The following IQCM variants were observed in gnomAD, a reference collection of about 807,000 sequenced individuals.
The protein encoded by IQCM is IQ domain-containing protein M.
A neutral mutation model predicts 57.6 loss-of-function variants in IQCM; 45 were observed. The ratio of observed to expected loss-of-function variants is 0.78; its 90% CI spans 0.62 to 1.00. IQCM has a LOEUF of 1.00. Ranked by LOEUF, IQCM falls within the 50% of genes least tolerant of loss-of-function variation. The pLI is 0.00. For synonymous variants in IQCM, 148 were observed against 158.9 expected, an observed-to-expected ratio of 0.93 and a Z score of 0.51; for missense variants, 468 against 511.6, an observed-to-expected ratio of 0.91 and a Z score of 0.82.
chr4:149,490,623 A>G (rs1238218982), intron 12 of IQCM, among the ~76,000 whole-genome samples: 1 of 151,808 alleles, frequency 6.6e-6, no homozygotes, highest in Non-Finnish European at 1.5e-5. Context: ...ATTGCCTACT[A>G]TTTTTCTTTC....
At chr4:149,780,531 T>TTATATATATATATATATA (rs371081838) in intron 2 of IQCM, among the ~76,000 whole-genome samples, 5 of 138,170 alleles carry the variant, frequency 3.6e-5, no homozygotes, top group African/African-American at 1.3e-4. Context: ...AATATGTAAG[T>TTATATATATATATATATA]TATATATATA....
chr4:149,805,777 G>A (rs1774023169), intron 2 of IQCM, among the ~76,000 whole-genome samples: 1 of 151,924 alleles, frequency 6.6e-6, no homozygotes, highest in African/African-American at 2.4e-5. Flanking sequence ...TTCCAATAGT[G>A]TTTGATTTTT....
chr4:149,529,991 C>A (rs766328858), intron 12 of IQCM, among the ~76,000 whole-genome samples: 4 of 152,194 alleles, frequency 2.6e-5, no homozygotes, highest in Non-Finnish European at 5.9e-5. Flanking sequence ...GTTCCAGCTA[C>A]ACTGGCTTTC....
At chr4:149,671,273 G>T (rs1417263305) in intron 7 of IQCM, among the ~76,000 whole-genome samples, 1 of 152,170 alleles carries the variant, frequency 6.6e-6, no homozygotes, top group Non-Finnish European at 1.5e-5. Flanking sequence ...TTTGCGTAGA[G>T]ATGTTTATAG....
intron 8 of IQCM, among the ~76,000 whole-genome samples, chr4:149,606,649 A>T (rs1318373228): frequency 6.6e-6 from 1 of 152,174 alleles, no homozygotes; most frequent in Non-Finnish European, 1.5e-5. Flanking sequence ...GAGGAAGCTC[A>T]ATGAACTTCA....
chr4:149,483,750 T>C (rs77879168), intron 12 of IQCM, among the ~76,000 whole-genome samples: 1,848 of 152,096 alleles, frequency 0.012, 19 homozygotes, highest in Middle Eastern at 0.034. Context: ...TCTGTAGCCA[T>C]TGGATGAAAT....
intron 8 of IQCM, among the ~76,000 whole-genome samples, chr4:149,613,363 G>A (rs1263730279): frequency 6.6e-6 from 1 of 152,006 alleles, no homozygotes; most frequent in East Asian, 1.9e-4. Context: ...AATTTGGTAA[G>A]GAATTTTAAA....
intron 7 of IQCM, among the ~76,000 whole-genome samples, chr4:149,660,558 A>T (rs1190437410): frequency 6.6e-6 from 1 of 152,208 alleles, no homozygotes; most frequent in Non-Finnish European, 1.5e-5. Flanking sequence ...CACTATTCAC[A>T]ATAGCAAAGT....
In IQCM at chr4:149,578,468, T is replaced by C. The variant is rs367845185; in HGVS notation, c.749+9462A>G. On this transcript the variant is annotated intron_variant, in intron 9 of 13. Coordinates refer to ENST00000636793, the MANE Select transcript of IQCM (RefSeq NM_001363507.2). ...GCACAGTGACCAGAGTTGTCAATTT[T>C]TATCTATGAAAAAGGGAACACAGTA... is the stretch of plus-strand genomic sequence containing the variant. Among the ~76,000 whole-genome samples the C allele has an allele frequency of 1.7e-4, 26 of 151,866 alleles. No homozygotes were observed. In the East Asian group the frequency reaches 3.5e-3, roughly 21 times the overall value.
chr4:149,693,518 A>C (rs1201917921), intron 5 of IQCM, among the ~76,000 whole-genome samples: 1 of 152,052 alleles, frequency 6.6e-6, no homozygotes, highest in East Asian at 1.9e-4. Context: ...TTTCCCACTC[A>C]TACTCTCTCA....
At chr4:149,449,331 T>C (rs1238583303) in intron 12 of IQCM, among the ~76,000 whole-genome samples, 1 of 146,290 alleles carries the variant, frequency 6.8e-6, no homozygotes, top group Non-Finnish European at 1.5e-5. Context: ...TATATATATA[T>C]AAATAAATTA....
At chr4:149,383,003 A>G (rs1731183108) in intron 13 of IQCM, among the ~76,000 whole-genome samples, 2 of 152,040 alleles carry the variant, frequency 1.3e-5, no homozygotes, top group African/African-American at 2.4e-5. Context: ...AAAAAAAAAA[A>G]AAAAAGAAAA....
chr4:149,508,018 C>T (rs150502430), intron 12 of IQCM, among the ~76,000 whole-genome samples: 2,326 of 151,902 alleles, frequency 0.015, 39 homozygotes, highest in Middle Eastern at 0.041. Flanking sequence ...AGGGTGGAAG[C>T]TGCCAAGCCT....
At chr4:149,705,484 G>A (rs1262601145) in intron 5 of IQCM, among the ~76,000 whole-genome samples, 1 of 151,554 alleles carries the variant, frequency 6.6e-6, no homozygotes, top group East Asian at 1.9e-4. Context: ...TCAGAGGGTA[G>A]GTATCTCTCT....
chr4:149,777,072 C>T (rs1426877194), intron 2 of IQCM, among the ~76,000 whole-genome samples: 6 of 152,052 alleles, frequency 3.9e-5, no homozygotes, highest in Admixed American at 3.9e-4. Context: ...CTCTAAAGTA[C>T]CTGGTTTGGA....
intron 13 of IQCM, among the ~76,000 whole-genome samples, chr4:149,356,361 G>T (rs1274182402): frequency 3.3e-5 from 5 of 151,938 alleles, no homozygotes; most frequent in African/African-American, 4.8e-5. Context: ...TTTCTTCTAG[G>T]GTTTTTATGG....
intron 7 of IQCM, among the ~76,000 whole-genome samples, chr4:149,661,473 T>C (rs1760207175): frequency 6.6e-6 from 1 of 152,146 alleles, no homozygotes; most frequent in Non-Finnish European, 1.5e-5. Flanking sequence ...CCTCACAAAA[T>C]GAGCTTGAAA....
intron 5 of IQCM, 127 bp downstream of exon 5, chr4:149,733,117 A>G (rs1042102190): frequency 1.2e-6 from 1 of 856,204 alleles, no homozygotes; most frequent in East Asian, 3.3e-5. Context: ...AGGCCTCCCT[A>G]CCTTTCATTG....
chr4:149,617,717 A>G (rs1336022746), intron 8 of IQCM, among the ~76,000 whole-genome samples: 2 of 152,210 alleles, frequency 1.3e-5, no homozygotes, highest in Non-Finnish European at 2.9e-5. Flanking sequence ...ACCAATAATG[A>G]TCAAGTTGGA....
Sources: allele counts gnomAD v4.1 joint callset (sites outside exome capture counted in the v4.1 genomes callset), GRCh38; gene constraint gnomAD v4.1.1; transcripts MANE v1.5; gene names NCBI Gene and HGNC (gene_info 2026-07-23, HGNC 2026-07-21).